Variants in MALRD1 observed in about 807,000 individuals in gnomAD.
MALRD1 encodes the protein MAM and LDL receptor class A domain containing 1.
Under a neutral mutation model 242.1 loss-of-function variants are expected in MALRD1, and 247 were observed. The observed-to-expected ratio is 1.02, with a 90% CI of 0.92 to 1.13. The LOEUF (loss-of-function observed/expected upper bound fraction) is 1.13. Among genes scored for constraint, MALRD1 ranks in the 50% most tolerant of loss-of-function variants. The probability of loss-of-function intolerance (pLI) is 0.00; values close to 1 mark genes in which losing one functional copy is unlikely to be tolerated. For synonymous variants in MALRD1, 995 were observed against 866.6 expected (o/e 1.15, Z -2.60); for missense variants, 2,989 against 2,533.1 (o/e 1.18, Z -3.86).
At chr10:19,335,887 G>A (rs1364647537) in intron 24 of MALRD1, among the ~76,000 whole-genome samples, 1 of 151,976 alleles carries the variant, frequency 6.6e-6, no homozygotes, top group Non-Finnish European at 1.5e-5. Context: ...CACGTGCCAT[G>A]GTGGTTTGCT....
chr10:19,491,390 T>C (rs16918861), intron 29 of MALRD1, 127 bp from the exon 30 acceptor site: 20,876 of 1,150,110 alleles, frequency 0.018, 376 homozygotes, highest in African/African-American at 0.085. Flanking sequence ...GGGAAGTCCA[T>C]CTTAGGCAAC....
At chr10:19,567,067 C>T (rs1836288224) in intron 32 of MALRD1, among the ~76,000 whole-genome samples, 2 of 152,138 alleles carry the variant, frequency 1.3e-5, no homozygotes. Flanking sequence ...ATATTTTCTG[C>T]ACATTACTGT....
At chr10:19,415,925 G>C (rs927647289) in intron 28 of MALRD1, among the ~76,000 whole-genome samples, 2 of 152,144 alleles carry the variant, frequency 1.3e-5, no homozygotes, top group African/African-American at 4.8e-5. Flanking sequence ...GATAAATTTG[G>C]TAAAACTCAA....
intron 36 of MALRD1, among the ~76,000 whole-genome samples, chr10:19,688,123 C>T (rs1409567448): frequency 6.6e-6 from 1 of 152,146 alleles, no homozygotes; most frequent in Non-Finnish European, 1.5e-5. Flanking sequence ...GCACCCGCCA[C>T]CACACCCAGC....
At chr10:19,486,757 A>G (rs1837254167) in intron 29 of MALRD1, among the ~76,000 whole-genome samples, 1 of 152,166 alleles carries the variant, frequency 6.6e-6, no homozygotes, top group African/African-American at 2.4e-5. Flanking sequence ...TATAATGATT[A>G]TATCTGGTTC....
intron 11 of MALRD1, among the ~76,000 whole-genome samples, chr10:19,152,587 G>A (rs1180580162): frequency 6.6e-6 from 1 of 151,496 alleles, no homozygotes; most frequent in Non-Finnish European, 1.5e-5. Flanking sequence ...AATTAATTTT[G>A]CTATCAGGAG....
At chr10:19,599,654 A>C (rs1044506722) in intron 34 of MALRD1, among the ~76,000 whole-genome samples, 3 of 152,128 alleles carry the variant, frequency 2.0e-5, no homozygotes, top group African/African-American at 7.2e-5. Context: ...AATATTAATA[A>C]GGGGATTGTT....
chr10:19,527,692 G>C (rs1193379171), intron 31 of MALRD1, among the ~76,000 whole-genome samples: 1 of 152,110 alleles, frequency 6.6e-6, no homozygotes, highest in African/African-American at 2.4e-5. Flanking sequence ...AACTATTTGG[G>C]ACAAAGTCAA....
At chr10:19,564,349 A>G (rs1166097084) in intron 32 of MALRD1, among the ~76,000 whole-genome samples, 1 of 152,128 alleles carries the variant, frequency 6.6e-6, no homozygotes, top group African/African-American at 2.4e-5. Context: ...TGGTCTATCT[A>G]TGTTTAAATT....
At chr10:19,121,332 GC>G (rs1837057305) in intron 5 of MALRD1, among the ~76,000 whole-genome samples, 1 of 152,082 alleles carries the variant, frequency 6.6e-6, no homozygotes, top group South Asian at 2.1e-4. Context: ...GAGCCACTGT[GC>G]CCAGCCTACT....
At chr10:19,490,382 C>T (rs570745663) in intron 29 of MALRD1, among the ~76,000 whole-genome samples, 3 of 151,786 alleles carry the variant, frequency 2.0e-5, no homozygotes, top group South Asian at 4.2e-4. Flanking sequence ...GACATAAACC[C>T]GGTCGATTAA....
intron 29 of MALRD1, among the ~76,000 whole-genome samples, chr10:19,467,695 C>CT (rs113515328): frequency 2.7e-4 from 40 of 149,634 alleles, no homozygotes; most frequent in Non-Finnish European, 2.5e-4. Flanking sequence ...GCTTTTTTGG[C>CT]TTTTTTTTGT....
chr10:19,413,546 ACTTCT>A (rs1833366013), intron 28 of MALRD1, among the ~76,000 whole-genome samples: 1 of 141,916 alleles, frequency 7.0e-6, no homozygotes, highest in African/African-American at 2.6e-5. Flanking sequence ...AATTTAGATT[ACTTCT>A]CTTTTAATCA....
chr10:19,323,078 CT>C (rs1842970152), intron 21 of MALRD1, among the ~76,000 whole-genome samples: 1 of 151,422 alleles, frequency 6.6e-6, no homozygotes, highest in Non-Finnish European at 1.5e-5. Context: ...ATTATTTTTC[CT>C]TTTTAATTTA....
At chr10:19,705,295 T>C (rs1833812836) in intron 38 of MALRD1, among the ~76,000 whole-genome samples, 1 of 152,192 alleles carries the variant, frequency 6.6e-6, no homozygotes, top group African/African-American at 2.4e-5. Flanking sequence ...CCTCAAGGCA[T>C]ACAGCTGCTT....
chr10:19,128,429 T>C, intron 8 of MALRD1, 42 bp downstream of exon 8: 1 of 1,214,782 alleles, frequency 8.2e-7, no homozygotes, highest in Non-Finnish European at 1.0e-6. Context: ...ATTGAATCAA[T>C]GAAGTTTCTA....
chr10:19,229,088 T>C (rs959614091), intron 18 of MALRD1, among the ~76,000 whole-genome samples: 3 of 152,046 alleles, frequency 2.0e-5, no homozygotes, highest in African/African-American at 7.2e-5. Flanking sequence ...TGTATTGTGT[T>C]TGAAATAAAA....
chr10:19,487,560 T>C lies in MALRD1; in HGVS notation c.5030-3957T>C, dbSNP rs187721421. On this transcript the variant is annotated intron_variant, in intron 29 of 39. Transcript: ENST00000454679. ...TATAAAAGCCAAAGAACCAACTATT[T>C]AGAGTGACATCAAAGCACATTTCCC... Among the ~76,000 whole-genome samples, 360 of 151,650 alleles carry C rather than the reference T, an allele frequency of 2.4e-3. 3 individuals are homozygous for C. The highest frequency in any genetic ancestry group is 7.3e-3 in the African/African-American group (302 of 41,320).
At chr10:19,313,690 G>T in intron 21 of MALRD1, among the ~76,000 whole-genome samples, 1 of 151,480 alleles carries the variant, frequency 6.6e-6, no homozygotes, top group Admixed American at 6.6e-5. Flanking sequence ...GACTCTTAGA[G>T]TCCTATTTGA....
Sources: gnomAD v4.1 joint callset for allele counts (sites outside exome capture counted in the v4.1 genomes callset) on GRCh38, gnomAD v4.1.1 for gene constraint, MANE v1.5 for transcripts, NCBI Gene and HGNC (gene_info 2026-07-23, HGNC 2026-07-21) for gene names.